HPGD: variants seen among roughly 807,000 people sequenced by gnomAD.
HPGD encodes 15-hydroxyprostaglandin dehydrogenase [NAD(+)].
A neutral mutation model predicts 30.0 loss-of-function variants in HPGD; 29 were observed. That is an observed-to-expected ratio of 0.97 (90% confidence interval 0.72 to 1.32). HPGD has a LOEUF of 1.32. HPGD is among the 40% of genes most tolerant of loss of function. The pLI is 0.00. For synonymous variants in HPGD, 99 were observed against 112.4 expected, an observed-to-expected ratio of 0.88 and a Z score of 0.75; for missense variants, 340 against 322.1, an observed-to-expected ratio of 1.06 and a Z score of -0.43.
At chr4:174,514,948 A>C (rs989992938) in intron 3 of HPGD, among the ~76,000 whole-genome samples, 2 of 152,182 alleles carry the variant, frequency 1.3e-5, no homozygotes, top group Non-Finnish European at 2.9e-5. Flanking sequence ...ACCTATGAAT[A>C]CAGCTCACCA....
intron 3 of HPGD, among the ~76,000 whole-genome samples, chr4:174,511,956 T>C (rs1735530040): frequency 6.6e-6 from 1 of 152,194 alleles, no homozygotes; most frequent in Non-Finnish European, 1.5e-5. Flanking sequence ...TGCTGAACAT[T>C]TCTTCTGTGT....
intron 4 of HPGD, among the ~76,000 whole-genome samples, chr4:174,501,210 C>A (rs1734884592): frequency 6.6e-6 from 1 of 152,046 alleles, no homozygotes. Flanking sequence ...AGCCAGATAC[C>A]AGTATAATGA....
At chr4:174,500,181 T>C (rs747734981) in intron 4 of HPGD, among the ~76,000 whole-genome samples, 1 of 152,188 alleles carries the variant, frequency 6.6e-6, no homozygotes, top group Non-Finnish European at 1.5e-5. Context: ...TCAGATGTTA[T>C]AGGAAATTTC....
intron 4 of HPGD, among the ~76,000 whole-genome samples, chr4:174,504,538 A>G (rs1283589980): frequency 6.6e-6 from 1 of 151,982 alleles, no homozygotes; most frequent in Non-Finnish European, 1.5e-5. Flanking sequence ...TAAATACTTA[A>G]GAACTGCGCC....
intron 4 of HPGD, among the ~76,000 whole-genome samples, chr4:174,499,901 T>G (rs1333328528): frequency 1.3e-5 from 2 of 152,028 alleles, no homozygotes; most frequent in Non-Finnish European, 2.9e-5. Flanking sequence ...CTACATGATT[T>G]TATTCACTCC....
chr4:174,509,058 C>T (rs574396540), intron 3 of HPGD, among the ~76,000 whole-genome samples: 1 of 152,260 alleles, frequency 6.6e-6, no homozygotes, highest in Admixed American at 6.5e-5. Flanking sequence ...GGTTGTATTC[C>T]AAAAATGTCT....
intron 4 of HPGD, among the ~76,000 whole-genome samples, chr4:174,505,882 T>C (rs1735163158): frequency 6.6e-6 from 1 of 152,188 alleles, no homozygotes; most frequent in Admixed American, 6.5e-5. Context: ...AGTGTTGCCT[T>C]GTACATGTGG....
chr4:174,518,006 C>G lies in HPGD; in HGVS notation c.289G>C (p.Glu97Gln). The change falls in exon 3 of 7, where the codon GAG (glutamate) becomes CAG (glutamine). Residue 97 changes from glutamate to glutamine, a missense_variant. Physicochemically the swap from Glu to Gln is conservative, Grantham distance 29. Transcript: ENST00000296522. ...ILVNNAGVNNEKNWEKTLQIN... is the reference protein window; with the variant it reads ...ILVNNAGVNNQKNWEKTLQIN... ...TGCAGAGTTTTTTCCCAGTTTTTCT[C>G]ATTATTCACTCCAGCATTATTGACC... The G allele has an allele frequency of 6.2e-7, 1 of 1,603,764 alleles. No homozygotes were observed. The highest frequency in any genetic ancestry group is 8.5e-7 in the Non-Finnish European group (1 of 1,170,840).
chr4:174,522,215 A>G (rs1267971938), intron 1 of HPGD, 144 bp downstream of exon 1: 1 of 1,422,314 alleles, frequency 7.0e-7, no homozygotes, highest in Non-Finnish European at 9.8e-7. Flanking sequence ...GTGTGCTCAC[A>G]GCCTCAGCTT....
chr4:174,510,031 T>C (rs972738334), intron 3 of HPGD, among the ~76,000 whole-genome samples: 6 of 152,252 alleles, frequency 3.9e-5, no homozygotes, highest in African/African-American at 1.4e-4. Flanking sequence ...AGGAAAATTC[T>C]TTTTTGACAT....
intron 2 of HPGD, among the ~76,000 whole-genome samples, chr4:174,519,662 A>G (rs145709695): frequency 1.3e-3 from 199 of 152,216 alleles, no homozygotes; most frequent in African/African-American, 4.6e-3. Context: ...TCCTGGCTCA[A>G]AAAGCTCCAC....
rs768565455 is a variant in HPGD, at chr4:174,522,471, C to A, written c.-20G>T. ...GTGCATGGTGCAGCCACTGCTGGGG[C>A]GGGCGGTGGGCGAGCTCCGCGTCTC... On this transcript the variant is annotated 5_prime_UTR_variant, in exon 1 of 7. Transcript: ENST00000296522. 2 of 1,535,910 alleles carry A rather than the reference C, an allele frequency of 1.3e-6. No individual in the cohort carries two copies. The highest frequency in any genetic ancestry group is 1.4e-5 in the African/African-American group (1 of 72,328).
chr4:174,501,743 CT>C (rs45609232), intron 4 of HPGD, among the ~76,000 whole-genome samples: 3,963 of 152,120 alleles, frequency 0.026, 77 homozygotes, highest in Non-Finnish European at 0.041. Flanking sequence ...TTTAAAATAT[CT>C]GAAAATTACA....
intron 3 of HPGD, among the ~76,000 whole-genome samples, chr4:174,513,884 C>T (rs1579298108): frequency 6.6e-6 from 1 of 152,080 alleles, no homozygotes; most frequent in East Asian, 1.9e-4. Context: ...TCATTAGCAA[C>T]TTATGCTCTG....
chr4:174,495,436 A>AT, intron 5 of HPGD, 112 bp downstream of exon 5: 1 of 824,466 alleles, frequency 1.2e-6, no homozygotes, highest in Non-Finnish European at 2.1e-6. Context: ...GAGGTATGTC[A>AT]TTTTTCCACC....
At chr4:174,501,955 G>A (rs979755523) in intron 4 of HPGD, among the ~76,000 whole-genome samples, 2 of 152,056 alleles carry the variant, frequency 1.3e-5, no homozygotes, top group South Asian at 2.1e-4. Context: ...TACTAAATCC[G>A]CAAACAAGAT....
intron 2 of HPGD, among the ~76,000 whole-genome samples, chr4:174,518,644 T>C (rs1030989819): frequency 6.6e-6 from 1 of 152,228 alleles, no homozygotes; most frequent in East Asian, 1.9e-4. Flanking sequence ...ATTCAGTTGA[T>C]TTTATTTGAT....
intron 3 of HPGD, among the ~76,000 whole-genome samples, chr4:174,509,922 AG>A (rs1735393832): frequency 1.3e-5 from 2 of 148,456 alleles, no homozygotes; most frequent in Non-Finnish European, 3.0e-5. Flanking sequence ...AAAAAAAAAA[AG>A]AAAAAAAAAA....
intron 4 of HPGD, among the ~76,000 whole-genome samples, chr4:174,504,456 A>G (rs1156661715): frequency 6.6e-5 from 10 of 152,126 alleles, no homozygotes. Context: ...CTAACTGAAT[A>G]TGTAGCAGGG....
Sources: allele counts gnomAD v4.1 joint callset (sites outside exome capture counted in the v4.1 genomes callset), GRCh38; gene constraint gnomAD v4.1.1; transcripts MANE v1.5; gene names NCBI Gene and HGNC (gene_info 2026-07-23, HGNC 2026-07-21).